The following GRIN2A variants were observed in gnomAD, a reference collection of about 807,000 sequenced individuals.
The protein encoded by GRIN2A is glutamate receptor ionotropic, NMDA 2A.
A neutral mutation model predicts 113.4 loss-of-function variants in GRIN2A; 22 were observed. The ratio of observed to expected loss-of-function variants is 0.19; its 90% CI spans 0.14 to 0.28. The LOEUF is 0.28. GRIN2A is among the 10% of genes least tolerant of loss of function. The pLI is 1.00. For missense variants in GRIN2A, 1,502 were observed against 1,887.0 expected (o/e 0.80, Z 3.78); for synonymous variants, 827 against 738.4 (o/e 1.12, Z -1.94).
chr16:9,849,977 A>G lies in GRIN2A; in HGVS notation c.1123-16T>C. ...ACTTGCCCACCTGCAGCACAAACACAAAGACACAGCTGTGCTTTCTTCCGC... is the reference window on the plus strand; with the variant it reads ...ACTTGCCCACCTGCAGCACAAACACGAAGACACAGCTGTGCTTTCTTCCGC... On this transcript the variant is annotated splice_polypyrimidine_tract_variant and intron_variant, in intron 4 of 12. Transcript: ENST00000330684. 8 of 1,607,232 alleles carry G rather than the reference A, an allele frequency of 5.0e-6. No homozygotes were observed. The highest frequency in any genetic ancestry group is 6.8e-6 in the Non-Finnish European group (8 of 1,174,012).
intron 3 of GRIN2A, among the ~76,000 whole-genome samples, chr16:9,899,767 A>G (rs2043881408): frequency 6.6e-6 from 1 of 152,194 alleles, no homozygotes. Flanking sequence ...CTTTTAAGCC[A>G]GAGCTTAAAA....
intron 2 of GRIN2A, among the ~76,000 whole-genome samples, chr16:10,061,044 C>T (rs1789616627): frequency 6.6e-6 from 1 of 152,212 alleles, no homozygotes; most frequent in South Asian, 2.1e-4. Context: ...TCCTCCCTAT[C>T]AGAGATGACC....
intron 11 of GRIN2A, among the ~76,000 whole-genome samples, chr16:9,792,267 G>A (rs1902655474): frequency 6.6e-6 from 1 of 152,116 alleles, no homozygotes; most frequent in African/African-American, 2.4e-5. Context: ...CTGCCACCCA[G>A]GCTGCAGTGC....
intron 3 of GRIN2A, among the ~76,000 whole-genome samples, chr16:9,911,924 T>C (rs2044147826): frequency 6.6e-6 from 1 of 152,204 alleles, no homozygotes; most frequent in Admixed American, 6.5e-5. Flanking sequence ...GTATTGTGCT[T>C]AAGAGCATGA....
At chr16:9,768,294 C>A (rs28638284) in intron 12 of GRIN2A, among the ~76,000 whole-genome samples, 2 of 152,124 alleles carry the variant, frequency 1.3e-5, no homozygotes, top group African/African-American at 4.8e-5. Context: ...CCTCGTGATC[C>A]GCCCGCCTGG....
chr16:9,934,882 G>A (rs2044677497), intron 3 of GRIN2A, among the ~76,000 whole-genome samples: 1 of 151,778 alleles, frequency 6.6e-6, no homozygotes, highest in African/African-American at 2.4e-5. Context: ...CACACTGGGT[G>A]GACACCACCA....
chr16:9,754,949 A>G lies in GRIN2A; in HGVS notation c.*8200T>C. ...ACTCATGTTTGCTGGAGAACAATTA[A>G]CCTCATTAATTTGAAAGGCAGCTGT... On this transcript the variant is annotated 3_prime_UTR_variant, in exon 13 of 13. Transcript: ENST00000330684. The G allele has an allele frequency of 4.6e-6, 1 of 215,226 alleles. No homozygotes were observed. The allele number at this position is 215,226 out of a possible 1,614,324, so 13.3% of individuals were successfully genotyped here.
intron 2 of GRIN2A, among the ~76,000 whole-genome samples, chr16:10,001,239 C>G (rs1170817070): frequency 1.3e-5 from 2 of 152,152 alleles, no homozygotes; most frequent in African/African-American, 4.8e-5. Flanking sequence ...AAACCAAGAA[C>G]AGAGGAGAAG....
At chr16:10,138,653 T>C (rs1450564070) in intron 2 of GRIN2A, among the ~76,000 whole-genome samples, 1 of 152,116 alleles carries the variant, frequency 6.6e-6, no homozygotes, top group Non-Finnish European at 1.5e-5. Context: ...TCAGAGACAC[T>C]GTGCACTCTG....
chr16:9,791,940 T>C (rs553253568), intron 11 of GRIN2A, among the ~76,000 whole-genome samples: 2 of 152,214 alleles, frequency 1.3e-5, no homozygotes, highest in South Asian at 2.1e-4. Context: ...CTAGAGTCCA[T>C]TGCAGGAAGT....
chr16:9,915,982 T>C (rs1410023464), intron 3 of GRIN2A, among the ~76,000 whole-genome samples: 1 of 152,232 alleles, frequency 6.6e-6, no homozygotes, highest in Non-Finnish European at 1.5e-5. Context: ...ACATCTGTAC[T>C]TCCTTCCTGG....
chr16:9,769,250 G>T, intron 11 of GRIN2A, 161 bp from the exon 12 acceptor site: 1 of 638,914 alleles, frequency 1.6e-6, no homozygotes, highest in Non-Finnish European at 2.8e-6. Context: ...CTTGAGTGAA[G>T]ATAATAATGA....
chr16:9,981,458 A>G (rs1282313876), intron 2 of GRIN2A, among the ~76,000 whole-genome samples: 3 of 152,176 alleles, frequency 2.0e-5, no homozygotes, highest in African/African-American at 7.2e-5. Context: ...TGTATCCTCC[A>G]CTCAATTTTA....
At chr16:10,169,304 T>C (rs1426954162) in intron 2 of GRIN2A, among the ~76,000 whole-genome samples, 2 of 152,220 alleles carry the variant, frequency 1.3e-5, no homozygotes, top group African/African-American at 2.4e-5. Flanking sequence ...ATGGTGTTAG[T>C]GTTGCTGGAG....
intron 2 of GRIN2A, chr16:10,112,848 C>T: frequency 1.7e-6 from 1 of 577,942 alleles, no homozygotes; most frequent in African/African-American, 1.8e-5. Context: ...GGGTGGCGTC[C>T]ATGGCCTGCA....
At chr16:9,914,457 A>T (rs2044202707) in intron 3 of GRIN2A, among the ~76,000 whole-genome samples, 1 of 152,248 alleles carries the variant, frequency 6.6e-6, no homozygotes, top group African/African-American at 2.4e-5. Flanking sequence ...TGTGGCTGAC[A>T]GGCCTGCACC....
intron 2 of GRIN2A, among the ~76,000 whole-genome samples, chr16:10,017,513 G>A (rs917226761): frequency 6.6e-6 from 1 of 152,136 alleles, no homozygotes; most frequent in Non-Finnish European, 1.5e-5. Flanking sequence ...TATGTTAATT[G>A]CAAGTCACTA....
intron 2 of GRIN2A, among the ~76,000 whole-genome samples, chr16:9,952,737 C>T (rs1248013662): frequency 6.6e-6 from 1 of 151,862 alleles, no homozygotes; most frequent in African/African-American, 2.4e-5. Context: ...CGTGACAGAG[C>T]CTGCCACAGA....
chr16:10,056,029 T>C (rs1382456597), intron 2 of GRIN2A, among the ~76,000 whole-genome samples: 1 of 151,486 alleles, frequency 6.6e-6, no homozygotes, highest in African/African-American at 2.5e-5. Context: ...ATACACTCCC[T>C]CACCCACTAG....
Sources: allele counts gnomAD v4.1 joint callset (sites outside exome capture counted in the v4.1 genomes callset), GRCh38; gene constraint gnomAD v4.1.1; transcripts MANE v1.5; gene names NCBI Gene and HGNC (gene_info 2026-07-23, HGNC 2026-07-21).